The following ANK3 variants were observed in gnomAD, a reference collection of about 807,000 sequenced individuals.
ANK3 encodes the protein ankyrin 3, also known as ankyrin-3.
ANK3 carries 57 observed loss-of-function variants against 370.9 expected under a neutral mutation model. The ratio of observed to expected loss-of-function variants is 0.15; its 90% CI spans 0.12 to 0.19. The LOEUF (loss-of-function observed/expected upper bound fraction) is 0.19, where lower values mean the gene tolerates loss of function less well. Among genes scored for constraint, ANK3 ranks in the 10% least tolerant of loss-of-function variants. ANK3 has a pLI of 1.00. For synonymous variants in ANK3, 1,929 were observed against 1,946.3 expected, an observed-to-expected ratio of 0.99 and a Z score of 0.23; for missense variants, 4,439 against 5,302.1, an observed-to-expected ratio of 0.84 and a Z score of 5.06.
At chr10:60,172,511 A>G (rs2095819565) in intron 20 of ANK3, 108 bp from the exon 21 acceptor site, 1 of 844,800 alleles carries the variant, frequency 1.2e-6, no homozygotes. Flanking sequence ...CCACTGTCAT[A>G]CACAAATAAG....
intron 2 of ANK3, among the ~76,000 whole-genome samples, chr10:60,420,737 T>G (rs1418197646): frequency 1.3e-5 from 2 of 152,122 alleles, no homozygotes; most frequent in South Asian, 2.1e-4. Context: ...ATCTTCTGGC[T>G]TGGGAGGAAG....
At chr10:60,656,987 G>T (rs1222681610) in intron 1 of ANK3, among the ~76,000 whole-genome samples, 2 of 151,998 alleles carry the variant, frequency 1.3e-5, no homozygotes, top group Admixed American at 6.6e-5. Flanking sequence ...TCATGCTACT[G>T]ATAAAGACAT....
chr10:60,572,624 T>A lies in ANK3; in HGVS notation c.96+42562A>T. ...AAGAGTCAAAGCATTGAGACCAAAGTCCATTTACGGGTGCTCCCCAGGCAA... is the reference window on the plus strand; with the variant it reads ...AAGAGTCAAAGCATTGAGACCAAAGACCATTTACGGGTGCTCCCCAGGCAA... On this transcript the variant is annotated intron_variant, in intron 2 of 43. Transcript: ENST00000373827. 2.7e-6 allele frequency: 4 copies of A among 1,496,928 alleles called. No individual in the cohort carries two copies. The South Asian group carries it at 5.2e-5, about 20-fold the overall frequency. 92.7% of individuals were successfully genotyped at this position (1,496,928 alleles called of 1,614,324 possible).
intron 1 of ANK3, among the ~76,000 whole-genome samples, chr10:60,681,625 G>A (rs1324200034): frequency 6.6e-6 from 1 of 152,186 alleles, no homozygotes; most frequent in African/African-American, 2.4e-5. Flanking sequence ...CTATGTGGCT[G>A]CATTCATTGC....
At chr10:60,408,672 A>T (rs1385047837) in intron 2 of ANK3, among the ~76,000 whole-genome samples, 1 of 152,226 alleles carries the variant, frequency 6.6e-6, no homozygotes, top group African/African-American at 2.4e-5. Flanking sequence ...AGATCTCAAC[A>T]TAAAAGAAAG....
At chr10:60,450,117 T>G (rs1377785160) in intron 2 of ANK3, among the ~76,000 whole-genome samples, 1 of 152,028 alleles carries the variant, frequency 6.6e-6, no homozygotes, top group African/African-American at 2.4e-5. Context: ...GGGAACATAG[T>G]GAGACCCCAT....
intron 2 of ANK3, among the ~76,000 whole-genome samples, chr10:60,457,375 G>A (rs1391338001): frequency 6.6e-6 from 1 of 152,154 alleles, no homozygotes; most frequent in East Asian, 1.9e-4. Context: ...ATGTATGGAT[G>A]TTGAAGGAAA....
intron 8 of ANK3, among the ~76,000 whole-genome samples, chr10:60,214,689 T>C (rs1054345902): frequency 9.8e-5 from 15 of 152,308 alleles, no homozygotes; most frequent in Admixed American, 9.2e-4. Flanking sequence ...AAGGACATGA[T>C]CTCATTCTCT....
intron 1 of ANK3, among the ~76,000 whole-genome samples, chr10:60,290,004 C>T (rs1029008233): frequency 3.3e-5 from 5 of 152,046 alleles, no homozygotes; most frequent in African/African-American, 1.2e-4. Context: ...GAGACTAGAG[C>T]TGAATCACTG....
At chr10:60,563,638 C>CTCAGG (rs1385850596) in intron 2 of ANK3, among the ~76,000 whole-genome samples, 1 of 152,080 alleles carries the variant, frequency 6.6e-6, no homozygotes, top group Non-Finnish European at 1.5e-5. Flanking sequence ...ACCAAATGTG[C>CTCAGG]TCAGGTCAGG....
At chr10:60,192,598 A>G (rs1445389941) in intron 16 of ANK3, among the ~76,000 whole-genome samples, 1 of 152,148 alleles carries the variant, frequency 6.6e-6, no homozygotes, top group Non-Finnish European at 1.5e-5. Context: ...ATAACTGAGA[A>G]AGTCAAATAC....
At chr10:60,137,407 C>CA in intron 24 of ANK3, 1 of 191,208 alleles carries the variant, frequency 5.2e-6, no homozygotes, top group South Asian at 4.5e-5. Context: ...AAATAGAAAG[C>CA]AAAAAATCAG....
At chr10:60,308,358 G>T (rs1265360754) in intron 1 of ANK3, among the ~76,000 whole-genome samples, 1 of 146,090 alleles carries the variant, frequency 6.8e-6, no homozygotes, top group African/African-American at 2.5e-5. Context: ...GGAGTGCCGT[G>T]GCATGATCTC....
chr10:60,140,292 G>A, intron 23 of ANK3: 1 of 1,533,232 alleles, frequency 6.5e-7, no homozygotes, highest in Non-Finnish European at 9.0e-7. Context: ...TGGGCTATTT[G>A]CACATTCACT....
rs1564475126 is a variant in ANK3 at position 60,027,309 on chromosome 10, A to ATTTTT, written c.*2536_*2537insAAAAA. The ATTTTT allele has an allele frequency of 2.4e-3, 236 of 99,886 alleles. 3 individuals carry two copies. Among genetic ancestry groups the ATTTTT allele is most frequent in the Non-Finnish European group, 2.0e-3 (90 of 45,304 alleles). The allele number at this position is 99,886 out of a possible 1,614,324, so 6.2% of individuals were successfully genotyped here. ...AAGTTTTTTTTTTTTTTTTTTTTTA[A>ATTTTT]AAAAAAAACCTCTCAAGGGTCTAAC... On this transcript the variant is annotated 3_prime_UTR_variant, in exon 44 of 44. Coordinates refer to ENST00000280772, the MANE Select transcript of ANK3 (RefSeq NM_020987.5).
At chr10:60,705,915 C>T (rs1288231267) in intron 1 of ANK3, among the ~76,000 whole-genome samples, 1 of 150,320 alleles carries the variant, frequency 6.7e-6, no homozygotes, top group Non-Finnish European at 1.5e-5. Context: ...CTCGACCACC[C>T]AGGCTCAGAT....
intron 2 of ANK3, among the ~76,000 whole-genome samples, chr10:60,552,850 C>T (rs997168498): frequency 5.9e-5 from 9 of 151,998 alleles, no homozygotes; most frequent in South Asian, 2.1e-4. Context: ...GGGTCTTTGC[C>T]GTGCTGTTCT....
intron 2 of ANK3, among the ~76,000 whole-genome samples, chr10:60,514,227 G>A (rs1399228833): frequency 6.6e-6 from 1 of 152,130 alleles, no homozygotes; most frequent in African/African-American, 2.4e-5. Flanking sequence ...AAGTTTTGGG[G>A]AAGTCAAATT....
At chr10:60,695,316 C>T (rs2079429503) in intron 1 of ANK3, among the ~76,000 whole-genome samples, 1 of 151,812 alleles carries the variant, frequency 6.6e-6, no homozygotes, top group African/African-American at 2.4e-5. Flanking sequence ...ACTTTAACAC[C>T]CCACTGTCAA....
Sources: gnomAD v4.1 joint callset for allele counts (sites outside exome capture counted in the v4.1 genomes callset) on GRCh38, gnomAD v4.1.1 for gene constraint, MANE v1.5 for transcripts, NCBI Gene and HGNC (gene_info 2026-07-23, HGNC 2026-07-21) for gene names.